The following DOCK7 variants were observed in gnomAD, a reference collection of about 807,000 sequenced individuals.
The protein encoded by DOCK7 is dedicator of cytokinesis protein 7.
A neutral mutation model predicts 271.0 loss-of-function variants in DOCK7; 138 were observed. That is an observed-to-expected ratio of 0.51 (90% CI 0.44 to 0.59). DOCK7 has a LOEUF of 0.59. Among genes scored for constraint, DOCK7 ranks in the 20% least tolerant of loss-of-function variants. DOCK7 has a pLI of 0.00. For synonymous variants in DOCK7, 823 were observed against 876.1 expected (o/e 0.94, Z 1.07); for missense variants, 2,066 against 2,592.4 (o/e 0.80, Z 4.41).
chr1:62,598,900 G>A, intron 14 of DOCK7: 2 of 789,844 alleles, frequency 2.5e-6, no homozygotes, highest in Middle Eastern at 2.8e-4. Flanking sequence ...ACTGGATCAT[G>A]AGTAAAATTA....
chr1:62,531,803 T>C (rs1001675644), intron 29 of DOCK7, among the ~76,000 whole-genome samples: 1 of 152,206 alleles, frequency 6.6e-6, no homozygotes, highest in Non-Finnish European at 1.5e-5. Flanking sequence ...ATGAGTTTCT[T>C]ACAGTTAATC....
chr1:62,646,566 G>C (rs1311779061), intron 7 of DOCK7, among the ~76,000 whole-genome samples: 5 of 152,130 alleles, frequency 3.3e-5, no homozygotes, highest in African/African-American at 7.2e-5. Context: ...CTCTCTCTCT[G>C]TGCACACACA....
At chr1:62,465,835 C>G (rs761762350) in intron 48 of DOCK7, among the ~76,000 whole-genome samples, 21 of 152,152 alleles carry the variant, frequency 1.4e-4, no homozygotes, top group African/African-American at 5.1e-4. Flanking sequence ...CAGGTGTGAG[C>G]CACTGCACCA....
intron 11 of DOCK7, among the ~76,000 whole-genome samples, chr1:62,627,315 G>A (rs1376543142): frequency 1.3e-5 from 2 of 152,088 alleles, no homozygotes; most frequent in Admixed American, 1.3e-4. Context: ...TTTCCCTAAA[G>A]TCAAGAATAA....
intron 22 of DOCK7, among the ~76,000 whole-genome samples, chr1:62,548,321 C>T (rs1330667196): frequency 6.6e-6 from 1 of 151,566 alleles, no homozygotes; most frequent in Non-Finnish European, 1.5e-5. Context: ...ACTGAGAAGG[C>T]GGCCTTCAGA....
chr1:62,523,090 C>T (rs1332742648), intron 31 of DOCK7, among the ~76,000 whole-genome samples: 5 of 151,958 alleles, frequency 3.3e-5, no homozygotes, highest in Admixed American at 6.6e-5. Context: ...TCAAAAATTA[C>T]GAGATTCAAT....
At chr1:62,646,350 A>G (rs1016798532) in intron 7 of DOCK7, among the ~76,000 whole-genome samples, 1 of 152,146 alleles carries the variant, frequency 6.6e-6, no homozygotes, top group Non-Finnish European at 1.5e-5. Flanking sequence ...AAAAGAGAGA[A>G]CAGGGAGTGA....
chr1:62,660,203 C>T lies in DOCK7; in HGVS notation c.144+2822G>A, dbSNP rs192107132. 3.3e-3 allele frequency among the ~76,000 whole-genome samples: 505 copies of T among 152,160 alleles called. 3 individuals carry two copies. Among genetic ancestry groups the T allele is most frequent in the African/African-American group, 0.012 (494 of 41,512 alleles). On this transcript the variant is annotated intron_variant, in intron 2 of 49. Coordinates refer to ENST00000635253, the MANE Select transcript of DOCK7 (RefSeq NM_001367561.1). ...CAAACTTCAACAAATTTAAAAAGAA[C>T]TGAAATCAGACAGAATGTGTTCTCT...
intron 2 of DOCK7, among the ~76,000 whole-genome samples, chr1:62,660,453 G>T (rs1417001132): frequency 6.6e-6 from 1 of 152,156 alleles, no homozygotes; most frequent in Non-Finnish European, 1.5e-5. Context: ...CATTAGAATG[G>T]CTATTATTTT....
At chr1:62,532,239 T>C (rs541515910) in intron 29 of DOCK7, among the ~76,000 whole-genome samples, 1 of 152,292 alleles carries the variant, frequency 6.6e-6, no homozygotes, top group South Asian at 2.1e-4. Flanking sequence ...TTTACTATGT[T>C]GGCCAGGCTG....
intron 43 of DOCK7, among the ~76,000 whole-genome samples, chr1:62,479,392 A>AT (rs1158894811): frequency 2.0e-5 from 3 of 152,168 alleles, no homozygotes; most frequent in Admixed American, 6.5e-5. Flanking sequence ...ATTTAAAAAC[A>AT]TTTTTTCAGT....
At chr1:62,665,519 C>T (rs1222497252) in intron 1 of DOCK7, among the ~76,000 whole-genome samples, 2 of 151,358 alleles carry the variant, frequency 1.3e-5, no homozygotes, top group Admixed American at 1.3e-4. Context: ...TCCTGAACAA[C>T]GTGGTGAAAC....
intron 48 of DOCK7, among the ~76,000 whole-genome samples, chr1:62,471,032 G>A (rs1645816174): frequency 6.6e-6 from 1 of 152,234 alleles, no homozygotes; most frequent in East Asian, 1.9e-4. Flanking sequence ...GGAGGATGAA[G>A]CCCTTTATGA....
chr1:62,649,175 A>T (rs895301582), intron 4 of DOCK7, among the ~76,000 whole-genome samples: 5 of 152,204 alleles, frequency 3.3e-5, no homozygotes, highest in Admixed American at 6.5e-5. Flanking sequence ...ACCCAAGAAC[A>T]TCAAATATGA....
At chr1:62,459,545 C>CA (rs1213879281) in intron 48 of DOCK7, among the ~76,000 whole-genome samples, 11 of 151,394 alleles carry the variant, frequency 7.3e-5, no homozygotes, top group Admixed American at 2.6e-4. Context: ...CAATTTCATA[C>CA]AAAAAAACCC....
At chr1:62,625,454 T>A in intron 11 of DOCK7, 53 bp from the exon 12 acceptor site, 1 of 1,527,722 alleles carries the variant, frequency 6.5e-7, no homozygotes, top group Non-Finnish European at 8.9e-7. Context: ...AATTTTGTTT[T>A]AAAGTAGCTT....
intron 14 of DOCK7, chr1:62,609,456 T>C (rs1318029110): frequency 1.3e-5 from 2 of 152,134 alleles, no homozygotes; most frequent in African/African-American, 2.4e-5. Flanking sequence ...CCACACCCAA[T>C]AGATGGGAAT....
At chr1:62,663,533 T>C (rs1188160181) in intron 1 of DOCK7, among the ~76,000 whole-genome samples, 1 of 152,154 alleles carries the variant, frequency 6.6e-6, no homozygotes, top group Non-Finnish European at 1.5e-5. Context: ...ATATACACTT[T>C]AAAGTATAAG....
At chr1:62,583,386 G>A in intron 15 of DOCK7, 132 bp from the exon 16 acceptor site, 3 of 673,348 alleles carry the variant, frequency 4.5e-6, no homozygotes, top group Non-Finnish European at 7.5e-6. Flanking sequence ...AGAACAATGT[G>A]CCTACTGACG....
Sources: gnomAD v4.1 joint callset for allele counts (sites outside exome capture counted in the v4.1 genomes callset) on GRCh38, gnomAD v4.1.1 for gene constraint, MANE v1.5 for transcripts, NCBI Gene and HGNC (gene_info 2026-07-23, HGNC 2026-07-21) for gene names.